ULK4: variants seen among roughly 807,000 people sequenced by gnomAD.
The protein encoded by ULK4 is unc-51 like kinase 4.
In ULK4, 133 loss-of-function variants were observed where a neutral mutation model predicts 160.6. That is an observed-to-expected ratio of 0.83 (90% confidence interval 0.72 to 0.96). The LOEUF is 0.96. Ranked by LOEUF, ULK4 falls within the 40% of genes least tolerant of loss-of-function variation. The probability of loss-of-function intolerance (pLI) is 0.00; values close to 1 mark genes in which losing one functional copy is unlikely to be tolerated. For synonymous variants in ULK4, 534 were observed against 539.8 expected (o/e 0.99, Z 0.15); for missense variants, 1,580 against 1,499.5 (o/e 1.05, Z -0.89).
At chr3:41,508,587 C>T (rs560035920) in intron 32 of ULK4, among the ~76,000 whole-genome samples, 2 of 152,292 alleles carry the variant, frequency 1.3e-5, no homozygotes, top group South Asian at 2.1e-4. Context: ...CCTGCTACCT[C>T]CACCAGAGGA....
intron 32 of ULK4, among the ~76,000 whole-genome samples, chr3:41,559,539 T>TCA (rs771993230): frequency 3.9e-5 from 2 of 51,306 alleles, no homozygotes; most frequent in Non-Finnish European, 6.3e-5. Flanking sequence ...CAGCACCTCT[T>TCA]GTTTCCTGAC....
At chr3:41,571,293 G>A (rs539420100) in intron 31 of ULK4, among the ~76,000 whole-genome samples, 1 of 152,326 alleles carries the variant, frequency 6.6e-6, no homozygotes, top group East Asian at 1.9e-4. Flanking sequence ...TGAAATAAGA[G>A]AGCTACTGCT....
intron 25 of ULK4, 23 bp downstream of exon 25, chr3:41,715,214 A>G: frequency 6.2e-7 from 1 of 1,605,640 alleles, no homozygotes; most frequent in Non-Finnish European, 8.5e-7. Context: ...TATTAGAAAC[A>G]AGGAAAATTT....
chr3:41,705,568 C>G (rs2036849409), intron 25 of ULK4, among the ~76,000 whole-genome samples: 1 of 151,962 alleles, frequency 6.6e-6, no homozygotes, highest in Admixed American at 6.6e-5. Context: ...CCGATCTCGG[C>G]TCACCAAAAC....
At chr3:41,732,234 G>A (rs1029935170) in intron 22 of ULK4, among the ~76,000 whole-genome samples, 1 of 151,938 alleles carries the variant, frequency 6.6e-6, no homozygotes, top group Non-Finnish European at 1.5e-5. Context: ...CTGACAAGAG[G>A]TTAATATCCA....
intron 2 of ULK4, 88 bp from the exon 3 acceptor site, chr3:41,938,285 T>C (rs1699844271): frequency 4.2e-6 from 4 of 954,880 alleles, no homozygotes; most frequent in African/African-American, 3.3e-5. Context: ...AATTGGTAAA[T>C]GGATAAGAAA....
chr3:41,396,845 G>A lies in ULK4; in HGVS notation c.3678+1234C>T, dbSNP rs990599292. 4.6e-5 allele frequency among the ~76,000 whole-genome samples: 7 copies of A among 152,144 alleles called. No homozygotes were observed. The East Asian group carries it at 1.2e-3, about 25-fold the overall frequency. On this transcript the variant is annotated intron_variant, in intron 35 of 36. Transcript: ENST00000301831. ...GCAATTCAGGTAGTGACTCTGCTGAGATTAGTAAGTCTTGTTTTGGGGTTG... is the reference window on the plus strand; with the variant it reads ...GCAATTCAGGTAGTGACTCTGCTGAAATTAGTAAGTCTTGTTTTGGGGTTG...
At chr3:41,615,812 T>C (rs2032934714) in intron 30 of ULK4, 95 bp from the exon 31 acceptor site, 1 of 1,084,226 alleles carries the variant, frequency 9.2e-7, no homozygotes, top group Non-Finnish European at 1.3e-6. Context: ...CATGTTTTAT[T>C]GCTAAAATTC....
chr3:41,856,437 A>T (rs1366983521), intron 17 of ULK4, among the ~76,000 whole-genome samples: 1 of 149,466 alleles, frequency 6.7e-6, no homozygotes, highest in African/African-American at 2.4e-5. Context: ...TGTACAAAAC[A>T]ACTAAGAAAA....
At chr3:41,367,095 T>A (rs1205647591) in intron 35 of ULK4, among the ~76,000 whole-genome samples, 1 of 152,242 alleles carries the variant, frequency 6.6e-6, no homozygotes, top group Non-Finnish European at 1.5e-5. Context: ...TCTTACATTA[T>A]CTTTGTTTTT....
intron 32 of ULK4, among the ~76,000 whole-genome samples, chr3:41,519,653 GAC>G (rs1231762095): frequency 6.6e-6 from 1 of 152,114 alleles, no homozygotes; most frequent in East Asian, 1.9e-4. Context: ...TTAAACATAA[GAC>G]ACAGTGCGCA....
chr3:41,445,371 A>T (rs1020635488), intron 34 of ULK4, among the ~76,000 whole-genome samples: 52 of 152,234 alleles, frequency 3.4e-4, no homozygotes, highest in Admixed American at 9.8e-4. Flanking sequence ...TGGAAAAAAC[A>T]ACTTTCAAGT....
intron 35 of ULK4, chr3:41,250,870 G>T (rs942642473): frequency 6.6e-6 from 1 of 152,172 alleles, no homozygotes; most frequent in African/African-American, 2.4e-5. Flanking sequence ...AAAGACTACT[G>T]CTTAAAAATG....
At chr3:41,900,874 A>G in intron 12 of ULK4, 45 bp from the exon 13 acceptor site, 1 of 1,425,674 alleles carries the variant, frequency 7.0e-7, no homozygotes, top group South Asian at 1.2e-5. Flanking sequence ...CGACTAATGT[A>G]GATCTTTAAA....
At chr3:41,427,358 C>G (rs1001692684) in intron 34 of ULK4, among the ~76,000 whole-genome samples, 1 of 145,638 alleles carries the variant, frequency 6.9e-6, no homozygotes, top group Admixed American at 7.0e-5. Flanking sequence ...GTACCATTTA[C>G]CATTTCTTCT....
chr3:41,842,653 A>C (rs759853498), intron 17 of ULK4, among the ~76,000 whole-genome samples: 2 of 152,194 alleles, frequency 1.3e-5, no homozygotes, highest in African/African-American at 4.8e-5. Context: ...ACCTTCTGCC[A>C]TGAGTGGAAA....
chr3:41,600,778 C>G (rs2032012066), intron 31 of ULK4, among the ~76,000 whole-genome samples: 1 of 152,204 alleles, frequency 6.6e-6, no homozygotes, highest in Non-Finnish European at 1.5e-5. Flanking sequence ...TGTGCTCATT[C>G]TTTTCTCTAA....
chr3:41,862,035 C>T (rs2042509504), intron 17 of ULK4, among the ~76,000 whole-genome samples: 1 of 152,096 alleles, frequency 6.6e-6, no homozygotes, highest in African/African-American at 2.4e-5. Context: ...TGGTCTCAAA[C>T]TCCTCAGCTC....
intron 21 of ULK4, among the ~76,000 whole-genome samples, chr3:41,770,599 C>G (rs1157407889): frequency 6.6e-6 from 1 of 150,676 alleles, no homozygotes; most frequent in Non-Finnish European, 1.5e-5. Context: ...AACCTCCAGT[C>G]TCCCAGGTTC....
Sources: gnomAD v4.1 joint callset for allele counts (sites outside exome capture counted in the v4.1 genomes callset) on GRCh38, gnomAD v4.1.1 for gene constraint, MANE v1.5 for transcripts, NCBI Gene and HGNC (gene_info 2026-07-23, HGNC 2026-07-21) for gene names.